Variants in LOC128462377 observed in about 807,000 individuals in gnomAD.
the LOC128462377 span, among the ~76,000 whole-genome samples, chr16:89,326,199 G>A: frequency 6.6e-6 from 1 of 152,246 alleles, no homozygotes; most frequent in African/African-American, 2.4e-5. Context: ...GGCAGGGACG[G>A]CAGATGGAGG....
At chr16:89,374,720 G>A in the LOC128462377 span, among the ~76,000 whole-genome samples, 3 of 152,230 alleles carry the variant, frequency 2.0e-5, no homozygotes, top group East Asian at 5.8e-4. Flanking sequence ...GTAAGGACCA[G>A]AAAAAAACAG....
chr16:89,356,036 G>A, the LOC128462377 span, among the ~76,000 whole-genome samples: 1 of 152,182 alleles, frequency 6.6e-6, no homozygotes, highest in Non-Finnish European at 1.5e-5. Context: ...AGCCCAGATA[G>A]CGCCCCTGCA....
At chr16:89,343,504 A>G in the LOC128462377 span, among the ~76,000 whole-genome samples, 15 of 152,306 alleles carry the variant, frequency 9.8e-5, no homozygotes, top group South Asian at 3.1e-3. Flanking sequence ...TGAGTGAGTG[A>G]GCGAGCAAAT....
the LOC128462377 span, among the ~76,000 whole-genome samples, chr16:89,350,494 C>T: frequency 6.6e-6 from 1 of 152,208 alleles, no homozygotes; most frequent in Non-Finnish European, 1.5e-5. Flanking sequence ...TACTGACATA[C>T]ACCACAGAAC....
chr16:89,413,267 A>AT, the LOC128462377 span, among the ~76,000 whole-genome samples: 37 of 152,104 alleles, frequency 2.4e-4, no homozygotes, highest in African/African-American at 8.2e-4. Flanking sequence ...TACTACGCAT[A>AT]TTTTTTTGAT....
At chr16:89,410,986 G>A in the LOC128462377 span, among the ~76,000 whole-genome samples, 1 of 152,224 alleles carries the variant, frequency 6.6e-6, no homozygotes, top group Non-Finnish European at 1.5e-5. Context: ...CTCCACAGGC[G>A]CTTTCCTGAA....
At chr16:89,364,552 A>G in the LOC128462377 span, among the ~76,000 whole-genome samples, 1 of 152,170 alleles carries the variant, frequency 6.6e-6, no homozygotes, top group Non-Finnish European at 1.5e-5. Context: ...CAGCAGTCAG[A>G]CCCTAAAGCA....
the LOC128462377 span, among the ~76,000 whole-genome samples, chr16:89,366,129 C>CAAAAAAAA: frequency 2.0e-4 from 12 of 60,436 alleles, no homozygotes; most frequent in African/African-American, 6.2e-4. Context: ...GACTCCATCT[C>CAAAAAAAA]AAAAAAAAAA....
chr16:89,413,926 C>G, the LOC128462377 span, among the ~76,000 whole-genome samples: 1 of 152,158 alleles, frequency 6.6e-6, no homozygotes, highest in Admixed American at 6.5e-5. Flanking sequence ...CCCTCCCCAC[C>G]TCCAACCTGG....
At chr16:89,357,669 G>A in the LOC128462377 span, among the ~76,000 whole-genome samples, 3 of 152,306 alleles carry the variant, frequency 2.0e-5, no homozygotes, top group East Asian at 1.9e-4. Flanking sequence ...AGCATAACGC[G>A]ACTCAGCCCT....
At chr16:89,397,660 A>G in the LOC128462377 span, among the ~76,000 whole-genome samples, 1 of 152,236 alleles carries the variant, frequency 6.6e-6, no homozygotes, top group Non-Finnish European at 1.5e-5. Context: ...GGTAAGACAC[A>G]GTTCCCAGTT....
chr16:89,379,386 C>T, the LOC128462377 span, among the ~76,000 whole-genome samples: 2 of 152,206 alleles, frequency 1.3e-5, no homozygotes, highest in African/African-American at 2.4e-5. Context: ...CATTATATGT[C>T]GAAAGCTGAC....
chr16:89,416,722 G>A, the LOC128462377 span, among the ~76,000 whole-genome samples: 1 of 151,578 alleles, frequency 6.6e-6, no homozygotes, highest in South Asian at 2.1e-4. Context: ...TTGAGAGCAG[G>A]GGTTCAAGAC....
chr16:89,338,199 G>A, the LOC128462377 span, among the ~76,000 whole-genome samples: 7 of 152,144 alleles, frequency 4.6e-5, no homozygotes, highest in Admixed American at 6.5e-5. Context: ...TCACTGTGCC[G>A]GGGGGTGGGA....
chr16:89,358,035 C>CCT, the LOC128462377 span, among the ~76,000 whole-genome samples: 1 of 152,194 alleles, frequency 6.6e-6, no homozygotes, highest in African/African-American at 2.4e-5. Flanking sequence ...AAGACTGAAC[C>CCT]CTCTTACTGC....
At chr16:89,318,090 C>CTAA in the LOC128462377 span, among the ~76,000 whole-genome samples, 1 of 152,226 alleles carries the variant, frequency 6.6e-6, no homozygotes, top group Non-Finnish European at 1.5e-5. Context: ...CTTCCCCGAG[C>CTAA]CCCTGCTTCC....
chr16:89,375,632 T>C, the LOC128462377 span, among the ~76,000 whole-genome samples: 1 of 152,026 alleles, frequency 6.6e-6, no homozygotes, highest in East Asian at 1.9e-4. Flanking sequence ...TTTTAAATTT[T>C]TAGTAGAGAC....
chr16:89,407,594 G>A, the LOC128462377 span, among the ~76,000 whole-genome samples: 1 of 152,216 alleles, frequency 6.6e-6, no homozygotes, highest in African/African-American at 2.4e-5. Context: ...GCCGAGGCAG[G>A]TGGATTGCTT....
chr16:89,371,659 T>C, the LOC128462377 span, among the ~76,000 whole-genome samples: 1 of 152,070 alleles, frequency 6.6e-6, no homozygotes, highest in East Asian at 1.9e-4. Flanking sequence ...TGGAGGGCGA[T>C]GCAGACTCCC....
Sources: gnomAD v4.1 joint callset for allele counts (sites outside exome capture counted in the v4.1 genomes callset) on GRCh38, gnomAD v4.1.1 for gene constraint, MANE v1.5 for transcripts.